MRPS27: variants seen among roughly 807,000 people sequenced by gnomAD.
MRPS27 encodes mitochondrial ribosomal protein S27, also known as small ribosomal subunit protein mS27.
Under a neutral mutation model 48.9 loss-of-function variants are expected in MRPS27, and 43 were observed. That is an observed-to-expected ratio of 0.88 (90% CI 0.69 to 1.13). MRPS27 has a LOEUF of 1.13. Among genes scored for constraint, MRPS27 ranks in the 50% most tolerant of loss-of-function variants. The pLI is 0.00. For missense variants in MRPS27, 467 were observed against 476.3 expected (o/e 0.98, Z 0.18); for synonymous variants, 188 against 171.9 (o/e 1.09, Z -0.73).
chr5:72,240,577 A>G (rs1350812482), intron 4 of MRPS27, among the ~76,000 whole-genome samples: 1 of 152,114 alleles, frequency 6.6e-6, no homozygotes, highest in Non-Finnish European at 1.5e-5. Flanking sequence ...TTTGATGATG[A>G]ACTTTACAAT....
intron 5 of MRPS27, 123 bp from the exon 6 acceptor site, chr5:72,234,320 A>G: frequency 2.4e-6 from 2 of 843,046 alleles, no homozygotes; most frequent in Non-Finnish European, 3.2e-6. Context: ...TTTGACTATC[A>G]TTTTACAGCA....
intron 7 of MRPS27, chr5:72,228,592 G>A: frequency 2.6e-6 from 1 of 382,494 alleles, no homozygotes; most frequent in Non-Finnish European, 4.6e-6. Flanking sequence ...TTTTTGGGCA[G>A]TGAAATTATG....
At chr5:72,318,479 A>G (rs1750622147) in intron 1 of MRPS27, among the ~76,000 whole-genome samples, 1 of 152,240 alleles carries the variant, frequency 6.6e-6, no homozygotes, top group African/African-American at 2.4e-5. Flanking sequence ...TCATTGCTCA[A>G]GAGTTCTGAA....
intron 5 of MRPS27, among the ~76,000 whole-genome samples, chr5:72,236,835 C>T (rs1267255985): frequency 6.6e-6 from 1 of 152,008 alleles, no homozygotes; most frequent in African/African-American, 2.4e-5. Context: ...TAAATGGTAC[C>T]TCATGTCTCT....
chr5:72,250,511 T>C (rs1748637130), intron 4 of MRPS27, among the ~76,000 whole-genome samples: 1 of 152,208 alleles, frequency 6.6e-6, no homozygotes. Context: ...CCACTTTCAC[T>C]GTGAAAACTA....
chr5:72,272,161 A>G (rs1291309811), intron 4 of MRPS27, among the ~76,000 whole-genome samples: 2 of 152,226 alleles, frequency 1.3e-5, no homozygotes, highest in African/African-American at 4.8e-5. Flanking sequence ...CCTATGGGAT[A>G]CTTTAGGTCT....
chr5:72,253,636 G>A (rs1748721809), intron 4 of MRPS27, among the ~76,000 whole-genome samples: 1 of 152,012 alleles, frequency 6.6e-6, no homozygotes, highest in African/African-American at 2.4e-5. Context: ...TGAATTCTCT[G>A]TTTAATCTAA....
intron 4 of MRPS27, among the ~76,000 whole-genome samples, chr5:72,239,310 A>C (rs1457625060): frequency 6.6e-6 from 1 of 152,182 alleles, no homozygotes; most frequent in Non-Finnish European, 1.5e-5. Flanking sequence ...GTAATGGTTA[A>C]GAAAAGGAGA....
intron 4 of MRPS27, among the ~76,000 whole-genome samples, chr5:72,266,275 G>A (rs1258614946): frequency 6.6e-6 from 1 of 152,176 alleles, no homozygotes; most frequent in Non-Finnish European, 1.5e-5. Context: ...TGACTTTTAA[G>A]ACCCAGACTT....
At chr5:72,251,371 C>T (rs1748660098) in intron 4 of MRPS27, among the ~76,000 whole-genome samples, 1 of 152,124 alleles carries the variant, frequency 6.6e-6, no homozygotes, top group African/African-American at 2.4e-5. Flanking sequence ...CAAAGTTTTG[C>T]CAGTCAGGCT....
intron 4 of MRPS27, among the ~76,000 whole-genome samples, chr5:72,292,595 G>T (rs1749856586): frequency 6.6e-6 from 1 of 152,200 alleles, no homozygotes; most frequent in Admixed American, 6.5e-5. Context: ...CTGGAACTTG[G>T]AACTGTTTAC....
intron 2 of MRPS27, among the ~76,000 whole-genome samples, chr5:72,301,172 C>T (rs1361812007): frequency 6.6e-6 from 1 of 152,176 alleles, no homozygotes; most frequent in Non-Finnish European, 1.5e-5. Flanking sequence ...GGATTGATCT[C>T]AATGACTCAG....
At chr5:72,262,926 T>A (rs1365019206) in intron 4 of MRPS27, among the ~76,000 whole-genome samples, 1 of 152,116 alleles carries the variant, frequency 6.6e-6, no homozygotes, top group Non-Finnish European at 1.5e-5. Context: ...ATGTATCCCA[T>A]GCCCAGCCCC....
chr5:72,294,208 C>T (rs1057015208), intron 4 of MRPS27, among the ~76,000 whole-genome samples: 24 of 151,622 alleles, frequency 1.6e-4, no homozygotes, highest in African/African-American at 5.6e-4. Flanking sequence ...AAAAAAGCCT[C>T]ATTATTATTT....
At chr5:72,243,205 T>C (rs1434104356) in intron 4 of MRPS27, among the ~76,000 whole-genome samples, 1 of 152,142 alleles carries the variant, frequency 6.6e-6, no homozygotes, top group South Asian at 2.1e-4. Flanking sequence ...GGACTGAGGA[T>C]CTTACCAATG....
chr5:72,283,678 T>C (rs1236178700), intron 4 of MRPS27, among the ~76,000 whole-genome samples: 5 of 152,088 alleles, frequency 3.3e-5, no homozygotes, highest in Non-Finnish European at 7.4e-5. Context: ...AGTCCAAGTA[T>C]GGTCAAGTAG....
At chr5:72,310,434 G>T (rs886957289) in intron 2 of MRPS27, among the ~76,000 whole-genome samples, 13 of 152,174 alleles carry the variant, frequency 8.5e-5, no homozygotes, top group Admixed American at 4.6e-4. Context: ...AAGCCAGCTT[G>T]AAAGGGCTTC....
At chr5:72,278,720 G>A (rs186925707) in intron 4 of MRPS27, among the ~76,000 whole-genome samples, 3 of 152,084 alleles carry the variant, frequency 2.0e-5, no homozygotes, top group African/African-American at 7.2e-5. Flanking sequence ...CATATTATAT[G>A]TACGATATTT....
intron 4 of MRPS27, among the ~76,000 whole-genome samples, chr5:72,259,881 C>T (rs189176053): frequency 4.6e-5 from 7 of 152,076 alleles, no homozygotes; most frequent in South Asian, 4.1e-4. Flanking sequence ...TAAATTTTTA[C>T]GAATATGACA....
Sources: gnomAD v4.1 joint callset for allele counts (sites outside exome capture counted in the v4.1 genomes callset) on GRCh38, gnomAD v4.1.1 for gene constraint, MANE v1.5 for transcripts, NCBI Gene and HGNC (gene_info 2026-07-23, HGNC 2026-07-21) for gene names.